Variants in MACROD2 observed in about 807,000 individuals in gnomAD.
MACROD2 encodes the protein ADP-ribose glycohydrolase MACROD2.
A neutral mutation model predicts 70.4 loss-of-function variants in MACROD2; 36 were observed. The observed-to-expected ratio is 0.51, with a 90% confidence interval of 0.39 to 0.68. The LOEUF (loss-of-function observed/expected upper bound fraction) is 0.68. Ranked by LOEUF, MACROD2 falls within the 30% of genes least tolerant of loss-of-function variation. MACROD2 has a pLI of 0.00. For synonymous variants in MACROD2, 172 were observed against 178.8 expected (o/e 0.96, Z 0.30); for missense variants, 496 against 538.4 (o/e 0.92, Z 0.78).
chr20:15,723,246 C>T (rs1174525314), intron 8 of MACROD2, among the ~76,000 whole-genome samples: 2 of 152,184 alleles, frequency 1.3e-5, no homozygotes, highest in Admixed American at 6.6e-5. Flanking sequence ...TCTTTCGTAA[C>T]ACTGATACAT....
chr20:15,826,492 A>G (rs1298008000), intron 8 of MACROD2, among the ~76,000 whole-genome samples: 1 of 152,242 alleles, frequency 6.6e-6, no homozygotes, highest in Non-Finnish European at 1.5e-5. Flanking sequence ...ATGAATAAAC[A>G]TTATTTAACT....
At chr20:14,301,745 A>G (rs952867420) in intron 3 of MACROD2, among the ~76,000 whole-genome samples, 1 of 152,164 alleles carries the variant, frequency 6.6e-6, no homozygotes, top group African/African-American at 2.4e-5. Flanking sequence ...ATTTTTTTTA[A>G]CTAAAATGTC....
intron 5 of MACROD2, among the ~76,000 whole-genome samples, chr20:15,100,222 A>G (rs1278622262): frequency 7.9e-5 from 12 of 152,026 alleles, no homozygotes; most frequent in Admixed American, 7.2e-4. Flanking sequence ...GTAGCAGACT[A>G]TAGATAGTTC....
intron 3 of MACROD2, among the ~76,000 whole-genome samples, chr20:14,328,720 G>A (rs1338261279): frequency 6.6e-6 from 1 of 151,960 alleles, no homozygotes; most frequent in Admixed American, 6.6e-5. Context: ...TAATCCTATG[G>A]CGTACACACC....
chr20:15,901,798 G>T (rs760122898), intron 10 of MACROD2, among the ~76,000 whole-genome samples: 5 of 152,178 alleles, frequency 3.3e-5, no homozygotes, highest in Non-Finnish European at 5.9e-5. Flanking sequence ...TGAGGAAAGA[G>T]GTGGTCTCTA....
chr20:15,720,489 C>T (rs954797414), intron 8 of MACROD2, among the ~76,000 whole-genome samples: 7 of 152,166 alleles, frequency 4.6e-5, no homozygotes, highest in Non-Finnish European at 7.3e-5. Flanking sequence ...TGCCCTAACC[C>T]AGGGTTTCAA....
chr20:14,827,338 G>A (rs528765239), intron 5 of MACROD2, among the ~76,000 whole-genome samples: 19 of 152,212 alleles, frequency 1.2e-4, no homozygotes, highest in African/African-American at 4.6e-4. Context: ...AGTTATTGAC[G>A]ATTTGAGCAA....
intron 3 of MACROD2, among the ~76,000 whole-genome samples, chr20:14,471,015 G>A (rs1055941211): frequency 6.6e-6 from 1 of 152,148 alleles, no homozygotes; most frequent in African/African-American, 2.4e-5. Context: ...CCAAAAGGCC[G>A]CCCAGTTTTG....
intron 8 of MACROD2, among the ~76,000 whole-genome samples, chr20:15,512,671 T>C (rs1160651272): frequency 1.3e-5 from 2 of 152,164 alleles, no homozygotes; most frequent in African/African-American, 2.4e-5. Context: ...TGTTGTCCTT[T>C]ACTGAAGCCG....
intron 5 of MACROD2, among the ~76,000 whole-genome samples, chr20:15,119,323 A>G (rs1015863941): frequency 6.6e-6 from 1 of 151,930 alleles, no homozygotes; most frequent in Non-Finnish European, 1.5e-5. Flanking sequence ...TTGTGCTTAT[A>G]TTTTTCTTCC....
intron 15 of MACROD2, among the ~76,000 whole-genome samples, chr20:16,034,488 G>A (rs144833418): frequency 6.6e-6 from 1 of 152,044 alleles, no homozygotes; most frequent in Non-Finnish European, 1.5e-5. Context: ...ATTCGTGTCT[G>A]TGCATATGGA....
intron 15 of MACROD2, among the ~76,000 whole-genome samples, chr20:16,016,590 C>G (rs949324963): frequency 1.3e-5 from 2 of 152,164 alleles, no homozygotes; most frequent in African/African-American, 4.8e-5. Context: ...GGCTGGAGCA[C>G]AGTGGCGCGA....
intron 4 of MACROD2, among the ~76,000 whole-genome samples, chr20:14,573,578 A>AT (rs5840625): frequency 0.54 from 80,734 of 150,484 alleles, 22,966 homozygotes; most frequent in East Asian, 0.65. Context: ...AAAAGATATT[A>AT]TTTTTTTTTT....
chr20:14,783,226 T>C (rs1324457172), intron 5 of MACROD2, among the ~76,000 whole-genome samples: 1 of 152,152 alleles, frequency 6.6e-6, no homozygotes, highest in Non-Finnish European at 1.5e-5. Flanking sequence ...ATGAATACCA[T>C]AGAAGTAGCA....
intron 5 of MACROD2, among the ~76,000 whole-genome samples, chr20:15,152,826 C>A (rs566169630): frequency 6.6e-6 from 1 of 152,178 alleles, no homozygotes; most frequent in African/African-American, 2.4e-5. Flanking sequence ...TAGTCCATGA[C>A]TGGCACTGGA....
chr20:14,818,744 C>G (rs1014751748), intron 5 of MACROD2, among the ~76,000 whole-genome samples: 10 of 148,096 alleles, frequency 6.8e-5, no homozygotes, highest in African/African-American at 2.5e-4. Flanking sequence ...AGAGCTACAG[C>G]TATGGTAATA....
At chr20:14,026,897 C>T (rs988293764) in intron 2 of MACROD2, among the ~76,000 whole-genome samples, 2 of 152,198 alleles carry the variant, frequency 1.3e-5, no homozygotes, top group African/African-American at 2.4e-5. Flanking sequence ...ATATTCCTGC[C>T]TGCTGACTCT....
intron 4 of MACROD2, among the ~76,000 whole-genome samples, chr20:14,667,833 A>G (rs2070752795): frequency 6.6e-6 from 1 of 152,064 alleles, no homozygotes; most frequent in Non-Finnish European, 1.5e-5. Context: ...CCTGTATTTT[A>G]AATTTTTAGT....
Position 14,446,136 on chromosome 20 carries a change from A to G in MACROD2, c.272-47343A>G, listed in dbSNP as rs2084179527. Among the ~76,000 whole-genome samples the G allele has an allele frequency of 2.0e-5, 3 of 151,768 alleles. No individual in the cohort carries two copies. The South Asian group carries it at 6.2e-4, about 32-fold the overall frequency. ...ATGACCCATCCAGAGTCTCTACCAA[A>G]CTTTGTATTGCCACACTTTCTCTCT... On this transcript the variant is annotated intron_variant, in intron 3 of 17. Coordinates refer to ENST00000684519, the MANE Select transcript of MACROD2 (RefSeq NM_001351661.2).
Sources: allele counts gnomAD v4.1 joint callset (sites outside exome capture counted in the v4.1 genomes callset), GRCh38; gene constraint gnomAD v4.1.1; transcripts MANE v1.5; gene names NCBI Gene and HGNC (gene_info 2026-07-23, HGNC 2026-07-21).